MEGF11: variants seen among roughly 807,000 people sequenced by gnomAD.
MEGF11 encodes multiple EGF like domains 11.
In MEGF11, 126 loss-of-function variants were observed where a neutral mutation model predicts 146.6. That is an observed-to-expected ratio of 0.86 (90% CI 0.74 to 1.00). MEGF11 has a LOEUF of 1.00. MEGF11 is among the 50% of genes least tolerant of loss of function. The pLI is 0.00. For synonymous variants in MEGF11, 532 were observed against 583.4 expected (o/e 0.91, Z 1.27); for missense variants, 1,509 against 1,521.2 (o/e 0.99, Z 0.13).
chr15:66,111,647 T>G (rs922512687), intron 4 of MEGF11, among the ~76,000 whole-genome samples: 26 of 152,084 alleles, frequency 1.7e-4, no homozygotes, highest in African/African-American at 6.3e-4. Flanking sequence ...CAGCTCCATG[T>G]AGGGGGGATT....
At chr15:66,025,738 C>G (rs1021424643) in intron 5 of MEGF11, among the ~76,000 whole-genome samples, 1 of 152,120 alleles carries the variant, frequency 6.6e-6, no homozygotes, top group African/African-American at 2.4e-5. Context: ...GTTCAGCCCC[C>G]CGCCGAGGCT....
intron 1 of MEGF11, among the ~76,000 whole-genome samples, chr15:66,180,894 T>C (rs1010482035): frequency 6.6e-6 from 1 of 152,240 alleles, no homozygotes; most frequent in Non-Finnish European, 1.5e-5. Flanking sequence ...TAATCGGCCC[T>C]GGCTGTGACC....
rs542669150 is a variant in MEGF11, at chr15:65,922,553, A to G, written c.1823-81T>C. 8.9e-6 allele frequency: 13 copies of G among 1,463,120 alleles called. No homozygotes were observed. The East Asian group carries it at 2.7e-4, about 31-fold the overall frequency. 90.6% of individuals were successfully genotyped at this position (1,463,120 alleles called of 1,614,324 possible). A position where few individuals can be genotyped will look rare whatever the true frequency, so the allele number is the denominator to read the frequency against. On this transcript the variant is annotated intron_variant, in intron 14 of 25. Coordinates refer to ENST00000395614, the MANE Select transcript of MEGF11 (RefSeq NM_001385028.1). Reference sequence around the variant, plus strand: ...CTACCCTTCCTGTTCCACACTTCTCAGAAACATGGGGAGACCTGCATCCTT... The same window carrying G: ...CTACCCTTCCTGTTCCACACTTCTCGGAAACATGGGGAGACCTGCATCCTT...
intron 1 of MEGF11, among the ~76,000 whole-genome samples, chr15:66,231,998 C>T (rs1242080506): frequency 6.6e-6 from 1 of 152,194 alleles, no homozygotes; most frequent in Non-Finnish European, 1.5e-5. Context: ...GATGGTCAAA[C>T]TGAGGTACAC....
chr15:66,085,381 A>G (rs2086065398), intron 5 of MEGF11, among the ~76,000 whole-genome samples: 1 of 152,338 alleles, frequency 6.6e-6, no homozygotes, highest in South Asian at 2.1e-4. Flanking sequence ...GCACAAAAAA[A>G]GAGCATTAAA....
At chr15:65,930,688 A>G in intron 11 of MEGF11, 135 bp downstream of exon 11, 1 of 1,137,080 alleles carries the variant, frequency 8.8e-7, no homozygotes, top group Non-Finnish European at 1.2e-6. Flanking sequence ...CTGGAACCCA[A>G]CCAATATAGG....
intron 19 of MEGF11, 117 bp from the exon 20 acceptor site, chr15:65,914,090 G>C (rs2078911445): frequency 1.3e-6 from 1 of 780,912 alleles, no homozygotes; most frequent in Non-Finnish European, 2.1e-6. Context: ...TTCTGGCTTT[G>C]GCCCGATTCC....
At chr15:65,920,204 G>A (rs2079131905) in intron 15 of MEGF11, among the ~76,000 whole-genome samples, 1 of 152,198 alleles carries the variant, frequency 6.6e-6, no homozygotes, top group African/African-American at 2.4e-5. Flanking sequence ...CTCACCGACT[G>A]TCCTAGGACC....
Position 66,040,170 on chromosome 15 carries a change from G to A in MEGF11, c.394+54232C>T, listed in dbSNP as rs910605484. 4 of 155,072 alleles carry A rather than the reference G, an allele frequency of 2.6e-5. No homozygotes were observed. In the East Asian group the frequency reaches 7.7e-4, roughly 30 times the overall value. The allele number at this position is 155,072 out of a possible 1,614,324, so 9.6% of individuals were successfully genotyped here. A position where few individuals can be genotyped will look rare whatever the true frequency, so the allele number is the denominator to read the frequency against. ...CAACAAGGAAGACAAATGTAACCCA[G>A]TCGAAACAGTTGCCAATGGCAGACA... On this transcript the variant is annotated intron_variant, in intron 5 of 25. Coordinates refer to ENST00000395614, the MANE Select transcript of MEGF11 (RefSeq NM_001385028.1).
intron 12 of MEGF11, among the ~76,000 whole-genome samples, chr15:65,929,293 C>A (rs1487354939): frequency 1.3e-5 from 2 of 152,162 alleles, no homozygotes; most frequent in African/African-American, 4.8e-5. Context: ...GCTTTAGTCA[C>A]CACACACTCT....
chr15:66,119,017 C>T, intron 4 of MEGF11, 69 bp downstream of exon 4: 2 of 1,065,022 alleles, frequency 1.9e-6, no homozygotes, highest in Non-Finnish European at 2.8e-6. Flanking sequence ...CCCACCTCCC[C>T]TCCCCTCCCC....
In MEGF11 at chr15:65,982,524, C is replaced by T. The variant is rs1326708433; in HGVS notation, c.395-36G>A. On this transcript the variant is annotated intron_variant, in intron 5 of 25. Coordinates refer to ENST00000395614, the MANE Select transcript of MEGF11 (RefSeq NM_001385028.1). This position sits in a 1 kb window ranked among gnomAD's most constrained non-coding sequence, Gnocchi z 5.6. Reference sequence around the variant, plus strand: ...CGGGACAGTCAGGGATCAGGAGCCCCGAAGGCTCTCCTTGGGGCAGGGGCC... The same window carrying T: ...CGGGACAGTCAGGGATCAGGAGCCCTGAAGGCTCTCCTTGGGGCAGGGGCC... 4.9e-6 allele frequency: 7 copies of T among 1,441,262 alleles called. No individual in the cohort carries two copies. The highest frequency in any genetic ancestry group is 3.0e-5 in the South Asian group (2 of 67,338). The allele number at this position is 1,441,262 out of a possible 1,614,324, so 89.3% of individuals were successfully genotyped here.
intron 7 of MEGF11, among the ~76,000 whole-genome samples, chr15:65,978,779 A>T (rs2081535743): frequency 8.2e-6 from 1 of 121,260 alleles, no homozygotes; most frequent in Non-Finnish European, 2.1e-5. Flanking sequence ...TCTTCCTCAG[A>T]GGAGACAGAC....
At chr15:66,018,709 G>A (rs2082984661) in intron 5 of MEGF11, among the ~76,000 whole-genome samples, 1 of 152,232 alleles carries the variant, frequency 6.6e-6, no homozygotes, top group Non-Finnish European at 1.5e-5. Flanking sequence ...ATGAGACTCT[G>A]TGTGAGTGTG....
intron 10 of MEGF11, among the ~76,000 whole-genome samples, chr15:65,940,242 T>G (rs552463988): frequency 6.6e-6 from 1 of 152,234 alleles, no homozygotes. Flanking sequence ...TAATGGGGAC[T>G]GCTTTTGGTG....
At chr15:66,141,847 C>A (rs140401453) in intron 1 of MEGF11, among the ~76,000 whole-genome samples, 1 of 152,056 alleles carries the variant, frequency 6.6e-6, no homozygotes, top group Non-Finnish European at 1.5e-5. Flanking sequence ...TTAAATGAGC[C>A]GATTGTGCCT....
chr15:65,934,243 G>C (rs1027462012), intron 10 of MEGF11, among the ~76,000 whole-genome samples: 1 of 149,292 alleles, frequency 6.7e-6, no homozygotes, highest in African/African-American at 2.5e-5. Context: ...GTGAGTTTTT[G>C]TTTGTTTGTT....
chr15:66,166,132 A>G (rs1182370889), intron 1 of MEGF11, among the ~76,000 whole-genome samples: 5 of 152,118 alleles, frequency 3.3e-5, no homozygotes, highest in East Asian at 1.9e-4. Flanking sequence ...CCTACTTGAC[A>G]TCTTCCCTGG....
chr15:66,039,385 C>T (rs1268895927), intron 5 of MEGF11, among the ~76,000 whole-genome samples: 2 of 152,204 alleles, frequency 1.3e-5, no homozygotes, highest in African/African-American at 2.4e-5. Flanking sequence ...AGCCTAACTT[C>T]AGCCTGGGGA....
Sources: allele counts gnomAD v4.1 joint callset (sites outside exome capture counted in the v4.1 genomes callset), GRCh38; gene constraint gnomAD v4.1.1; non-coding constraint Gnocchi (gnomAD v3.1); transcripts MANE v1.5; gene names NCBI Gene and HGNC (gene_info 2026-07-23, HGNC 2026-07-21).